The following GALNT13 variants were observed in gnomAD, a reference collection of about 807,000 sequenced individuals.
The protein encoded by GALNT13 is polypeptide N-acetylgalactosaminyltransferase 13.
GALNT13 carries 28 observed loss-of-function variants against 64.2 expected under a neutral mutation model. That is an observed-to-expected ratio of 0.44 (90% CI 0.32 to 0.60). The LOEUF (loss-of-function observed/expected upper bound fraction) is 0.60. Among genes scored for constraint, GALNT13 ranks in the 20% least tolerant of loss-of-function variants. The probability of loss-of-function intolerance (pLI) is 0.05; values close to 1 mark genes in which losing one functional copy is unlikely to be tolerated. For missense variants in GALNT13, 577 were observed against 669.8 expected (o/e 0.86, Z 1.53); for synonymous variants, 214 against 224.6 (o/e 0.95, Z 0.42).
At chr2:153,266,661 T>C in the GALNT13 span, among the ~76,000 whole-genome samples, 1 of 152,080 alleles carries the variant, frequency 6.6e-6, no homozygotes, top group East Asian at 1.9e-4. Context: ...CATGAGAACA[T>C]CATGGGGAAA....
At chr2:154,092,075 GAAAAAAAAAAAAAAAAA>G (rs58406719) in intron 3 of GALNT13, among the ~76,000 whole-genome samples, 1 of 74,508 alleles carries the variant, frequency 1.3e-5, no homozygotes, top group African/African-American at 5.1e-5. Context: ...TTCATGTCTG[GAAAAAAAAAAAAAAAAA>G]AAAAAAAAAG....
intron 3 of GALNT13, among the ~76,000 whole-genome samples, chr2:154,112,573 G>A (rs1356253586): frequency 6.6e-6 from 1 of 152,242 alleles, no homozygotes; most frequent in South Asian, 2.1e-4. Flanking sequence ...TGACCATCCA[G>A]CCAAATCATT....
intron 7 of GALNT13, among the ~76,000 whole-genome samples, chr2:154,257,230 A>G (rs908979085): frequency 3.3e-5 from 5 of 152,084 alleles, no homozygotes; most frequent in African/African-American, 9.7e-5. Context: ...CATTTCTCAC[A>G]TAGAAGAATG....
intron 4 of GALNT13, among the ~76,000 whole-genome samples, chr2:154,181,726 A>G (rs1685968333): frequency 6.6e-6 from 1 of 152,054 alleles, no homozygotes. Flanking sequence ...TTACCTTTAC[A>G]TATCTCTTAC....
the GALNT13 span, among the ~76,000 whole-genome samples, chr2:153,650,248 T>C: frequency 6.6e-6 from 1 of 152,158 alleles, no homozygotes; most frequent in Non-Finnish European, 1.5e-5. Flanking sequence ...TGATCTTTGT[T>C]GGTTTAAAGT....
At chr2:153,209,124 C>A in the GALNT13 span, among the ~76,000 whole-genome samples, 1 of 151,558 alleles carries the variant, frequency 6.6e-6, no homozygotes, top group African/African-American at 2.4e-5. Context: ...ACTACAGGCG[C>A]CTGCCACCAT....
At chr2:153,522,964 G>C in the GALNT13 span, among the ~76,000 whole-genome samples, 1 of 150,950 alleles carries the variant, frequency 6.6e-6, no homozygotes, top group Non-Finnish European at 1.5e-5. Flanking sequence ...TTCAAAGGTT[G>C]ACAGTTTTGT....
At chr2:153,150,366 G>A in the GALNT13 span, among the ~76,000 whole-genome samples, 1 of 151,884 alleles carries the variant, frequency 6.6e-6, no homozygotes, top group African/African-American at 2.4e-5. Flanking sequence ...GTAGATTCTG[G>A]GTATTAGCCC....
chr2:153,312,876 T>C, the GALNT13 span, among the ~76,000 whole-genome samples: 1 of 152,172 alleles, frequency 6.6e-6, no homozygotes, highest in Non-Finnish European at 1.5e-5. Context: ...AACCCAAGTC[T>C]GAGATGGTGT....
At chr2:154,230,406 A>T (rs1445235372) in intron 4 of GALNT13, among the ~76,000 whole-genome samples, 1 of 152,114 alleles carries the variant, frequency 6.6e-6, no homozygotes, top group African/African-American at 2.4e-5. Flanking sequence ...CATAAAGGGA[A>T]CAATTCCAAA....
chr2:153,566,159 T>C, the GALNT13 span, among the ~76,000 whole-genome samples: 19 of 152,206 alleles, frequency 1.2e-4, no homozygotes, highest in Admixed American at 5.9e-4. Flanking sequence ...CAAAACAGAA[T>C]TCTTTATTTG....
rs201151941 is a variant in GALNT13 at position 154,445,571 on chromosome 2, TAAC to T, written c.1531-4837_1531-4835del. Among the ~76,000 whole-genome samples the T allele has an allele frequency of 2.8e-3, 427 of 152,122 alleles. 2 individuals carry two copies. The highest frequency in any genetic ancestry group is 9.9e-3 in the African/African-American group (413 of 41,542). On this transcript the variant is annotated intron_variant, in intron 12 of 12. Coordinates refer to ENST00000392825, the MANE Select transcript of GALNT13 (RefSeq NM_052917.4). ...TTCTTAAAAAATCAAGCTATATAGT[TAAC>T]AATATTATTTATAGTTACAGTTTTA... is the stretch of plus-strand genomic sequence containing the variant.
intron 3 of GALNT13, among the ~76,000 whole-genome samples, chr2:153,985,628 T>G (rs1694750657): frequency 6.6e-6 from 1 of 151,962 alleles, no homozygotes; most frequent in African/African-American, 2.4e-5. Context: ...ACAAACACAT[T>G]ATGACAGTTT....
At chr2:153,995,288 A>C (rs961350945) in intron 3 of GALNT13, among the ~76,000 whole-genome samples, 1 of 152,130 alleles carries the variant, frequency 6.6e-6, no homozygotes, top group Admixed American at 6.5e-5. Flanking sequence ...TAATAAATAA[A>C]ATTGAACTCT....
the GALNT13 span, among the ~76,000 whole-genome samples, chr2:153,547,551 A>T: frequency 6.6e-6 from 1 of 152,238 alleles, no homozygotes; most frequent in South Asian, 2.1e-4. Context: ...TTCTCATTCA[A>T]TAAAATTAAT....
the GALNT13 span, among the ~76,000 whole-genome samples, chr2:153,515,616 A>G: frequency 2.6e-5 from 4 of 152,182 alleles, no homozygotes; most frequent in South Asian, 2.1e-4. Flanking sequence ...TTGGCGATTG[A>G]CATGCAGTTA....
chr2:154,303,636 C>T (rs567108060), intron 9 of GALNT13, among the ~76,000 whole-genome samples: 5 of 152,226 alleles, frequency 3.3e-5, no homozygotes, highest in South Asian at 2.1e-4. Flanking sequence ...CCTATATCAG[C>T]GACTAACCCA....
rs547487808 is a variant in GALNT13, at chr2:154,210,374, T to C, written c.312-31656T>C. Among the ~76,000 whole-genome samples, 35 of 152,310 alleles carry C rather than the reference T, an allele frequency of 2.3e-4. 1 individual carries two copies. The East Asian group carries it at 6.6e-3, about 29-fold the overall frequency. On this transcript the variant is annotated intron_variant, in intron 4 of 12. Coordinates refer to ENST00000392825, the MANE Select transcript of GALNT13 (RefSeq NM_052917.4). ...CCAGAAGTGGGATTGCTGGATTATA[T>C]GGTAGTTCTATATGTAGCTTTTGAG... is the stretch of plus-strand genomic sequence containing the variant.
At chr2:153,655,567 T>C in the GALNT13 span, among the ~76,000 whole-genome samples, 2 of 152,100 alleles carry the variant, frequency 1.3e-5, no homozygotes, top group African/African-American at 2.4e-5. Context: ...AAAACTCTTA[T>C]CCTAACTATC....
Sources: allele counts gnomAD v4.1 joint callset (sites outside exome capture counted in the v4.1 genomes callset), GRCh38; gene constraint gnomAD v4.1.1; transcripts MANE v1.5; gene names NCBI Gene and HGNC (gene_info 2026-07-23, HGNC 2026-07-21).